Variants in GLIPR1L1 observed in about 807,000 individuals in gnomAD.
GLIPR1L1 encodes the protein GLIPR1 like 1.
Under a neutral mutation model 29.9 loss-of-function variants are expected in GLIPR1L1, and 26 were observed. That is an observed-to-expected ratio of 0.87 (90% CI 0.64 to 1.21). The LOEUF is 1.21. GLIPR1L1 is among the 50% of genes most tolerant of loss of function. The pLI is 0.00. For missense variants in GLIPR1L1, 305 were observed against 290.3 expected (o/e 1.05, Z -0.37); for synonymous variants, 77 against 97.5 (o/e 0.79, Z 1.24).
chr12:75,344,611 A>T (rs2042328487), intron 2 of GLIPR1L1, among the ~76,000 whole-genome samples: 1 of 152,006 alleles, frequency 6.6e-6, no homozygotes, highest in Admixed American at 6.5e-5. Context: ...TAGTTTCAAT[A>T]GATTGATTTT....
rs759619651 is a variant in GLIPR1L1 at position 75,347,661 on chromosome 12, G to A, written c.460G>A (p.Ala154Thr). ...TTCATTTTATGTCGGTTGTGCAGTT[G>A]CAATGTGTCCTAACCTTGGGGGAGC... is the stretch of plus-strand genomic sequence containing the variant. ...ANSFYVGCAV[A>T]MCPNLGGAST... The change falls in exon 3 of 6, where the codon GCA (alanine) becomes ACA (threonine). Residue 154 changes from alanine to threonine, a missense_variant. Transcript: ENST00000378695. 1 of 1,608,940 alleles carries A rather than the reference G, an allele frequency of 6.2e-7. No individual in the cohort carries two copies. Among genetic ancestry groups the A allele is most frequent in the Admixed American group, 1.7e-5 (1 of 59,818 alleles).
intron 1 of GLIPR1L1, among the ~76,000 whole-genome samples, chr12:75,340,154 A>C (rs1224176339): frequency 6.7e-6 from 1 of 149,804 alleles, no homozygotes; most frequent in African/African-American, 2.4e-5. Flanking sequence ...TAAAATATAT[A>C]TGTATAAATA....
intron 1 of GLIPR1L1, among the ~76,000 whole-genome samples, chr12:75,339,046 T>C (rs997493912): frequency 5.9e-5 from 9 of 152,226 alleles, no homozygotes; most frequent in African/African-American, 2.2e-4. Context: ...CTATTGTGAA[T>C]AGTGTGCAGT....
At chr12:75,343,545 C>A in intron 1 of GLIPR1L1, 148 bp from the exon 2 acceptor site, 5 of 631,472 alleles carry the variant, frequency 7.9e-6, no homozygotes, top group East Asian at 2.9e-5. Context: ...AAAAAGAAAT[C>A]ACTAACTATG....
At chr12:75,353,308 G>A (rs2042934809) in intron 3 of GLIPR1L1, among the ~76,000 whole-genome samples, 1 of 152,090 alleles carries the variant, frequency 6.6e-6, no homozygotes, top group African/African-American at 2.4e-5. Context: ...AAATGATAAA[G>A]GGGTATCACC....
chr12:75,369,164 T>C (rs1477476493), intron 4 of GLIPR1L1, among the ~76,000 whole-genome samples: 1 of 151,970 alleles, frequency 6.6e-6, no homozygotes, highest in Admixed American at 6.6e-5. Flanking sequence ...TTAAATATGA[T>C]TAAATACACA....
intron 3 of GLIPR1L1, among the ~76,000 whole-genome samples, chr12:75,350,430 T>A (rs1180470227): frequency 1.3e-5 from 2 of 152,184 alleles, no homozygotes; most frequent in African/African-American, 4.8e-5. Flanking sequence ...AGGCACTGCA[T>A]ACAGGAGCAT....
At chr12:75,348,892 A>G (rs1174704666) in intron 3 of GLIPR1L1, among the ~76,000 whole-genome samples, 1 of 152,180 alleles carries the variant, frequency 6.6e-6, no homozygotes, top group African/African-American at 2.4e-5. Context: ...CAACAAAAAA[A>G]AGTTAGCCCT....
At chr12:75,359,355 G>GTTTTTTTTTT (rs1463566931) in intron 3 of GLIPR1L1, among the ~76,000 whole-genome samples, 2 of 46,430 alleles carry the variant, frequency 4.3e-5, no homozygotes, top group African/African-American at 8.4e-5. Flanking sequence ...CAGCATTGTT[G>GTTTTTTTTTT]TCTTTTTTTT....
At chr12:75,336,154 C>A (rs148751528) in intron 1 of GLIPR1L1, among the ~76,000 whole-genome samples, 1,629 of 151,736 alleles carry the variant, frequency 0.011, 20 homozygotes, top group African/African-American at 0.032. Flanking sequence ...TCTGGATGGA[C>A]CGTGAGAAGT....
At chr12:75,355,686 A>G (rs1427176558) in intron 3 of GLIPR1L1, among the ~76,000 whole-genome samples, 1 of 152,234 alleles carries the variant, frequency 6.6e-6, no homozygotes, top group East Asian at 1.9e-4. Flanking sequence ...AAGTAGGTTC[A>G]GCGCAGCACT....
In GLIPR1L1 at chr12:75,343,788, T is replaced by A; in HGVS notation, c.270T>A (p.Tyr90Ter). 6.2e-7 allele frequency: 1 copy of A among 1,612,974 alleles called. No individual in the cohort carries two copies. The highest frequency in any genetic ancestry group is 8.5e-7 in the Non-Finnish European group (1 of 1,179,082). Residue 90 changes from tyrosine to a stop codon, truncating the protein, a stop_gained, in exon 2 of 6, where the codon TAT (tyrosine) becomes TAA (stop). Transcript: ENST00000378695. LOFTEE classifies it high-confidence loss of function. Reference sequence around the variant, plus strand: ...GTTTGGATAAATCATATAAATGCTATGCAGCTTTTGAATATGTTGGAGAAA... The same window carrying A: ...GTTTGGATAAATCATATAAATGCTAAGCAGCTTTTGAATATGTTGGAGAAA... The part of the protein sequence containing the change: ...NDCLDKSYKC[Y>*]AAFEYVGENI...
intron 3 of GLIPR1L1, among the ~76,000 whole-genome samples, chr12:75,357,639 T>C (rs191321188): frequency 6.6e-6 from 1 of 152,174 alleles, no homozygotes; most frequent in Non-Finnish European, 1.5e-5. Context: ...TTTAAATGTA[T>C]TAAAATAATA....
In GLIPR1L1 at chr12:75,359,357, C is replaced by CTTTTTTTTTTTTTT. The variant is rs61616225; in HGVS notation, c.522-3728_522-3715dup. On this transcript the variant is annotated intron_variant, in intron 3 of 5. Coordinates refer to ENST00000378695, the MANE Select transcript of GLIPR1L1 (RefSeq NM_001304964.2). ...GAGTTAGAAGACTCAGCATTGTTGT[C>CTTTTTTTTTTTTTT]TTTTTTTTTTTTTTTTTTTTTTTTT... 5.9e-4 allele frequency among the ~76,000 whole-genome samples: 17 copies of CTTTTTTTTTTTTTT among 28,588 alleles called. 2 individuals carry two copies. The highest frequency in any genetic ancestry group is 8.6e-4 in the Non-Finnish European group (13 of 15,186). The allele number at this position is 28,588 out of a possible 152,430, so 18.8% of individuals were successfully genotyped here. A position where few individuals can be genotyped will look rare whatever the true frequency, so the allele number is the denominator to read the frequency against.
intron 1 of GLIPR1L1, among the ~76,000 whole-genome samples, chr12:75,339,577 C>T (rs527440449): frequency 9.9e-5 from 15 of 152,252 alleles, no homozygotes; most frequent in African/African-American, 2.9e-4. Context: ...TTTTGCCGTA[C>T]AGAAGCTCTT....
intron 3 of GLIPR1L1, among the ~76,000 whole-genome samples, chr12:75,353,927 A>G (rs1310308588): frequency 6.6e-6 from 1 of 152,206 alleles, no homozygotes; most frequent in Admixed American, 6.5e-5. Flanking sequence ...AAGGCCTTCA[A>G]TAAAATTCAT....
intron 4 of GLIPR1L1, among the ~76,000 whole-genome samples, chr12:75,363,527 C>T (rs2043759376): frequency 2.0e-5 from 3 of 151,946 alleles, no homozygotes; most frequent in Admixed American, 2.0e-4. Context: ...GAATAGTGAC[C>T]CATTCAGAAG....
At chr12:75,368,073 T>G (rs2044108537) in intron 4 of GLIPR1L1, among the ~76,000 whole-genome samples, 1 of 152,064 alleles carries the variant, frequency 6.6e-6, no homozygotes, top group African/African-American at 2.4e-5. Context: ...TGTCTTAATA[T>G]TGTAAACTGT....
chr12:75,349,853 G>A (rs895618002), intron 3 of GLIPR1L1, among the ~76,000 whole-genome samples: 2 of 152,174 alleles, frequency 1.3e-5, no homozygotes, highest in Non-Finnish European at 2.9e-5. Context: ...ATCCAAGATA[G>A]AATCCATAGA....
Sources: gnomAD v4.1 joint callset for allele counts (sites outside exome capture counted in the v4.1 genomes callset) on GRCh38, gnomAD v4.1.1 for gene constraint, MANE v1.5 for transcripts, NCBI Gene and HGNC (gene_info 2026-07-23, HGNC 2026-07-21) for gene names.